The following ENTHD1 variants were observed in gnomAD, a reference collection of about 807,000 sequenced individuals.
ENTHD1 encodes the protein ENTH domain-containing protein 1.
ENTHD1 carries 23 observed loss-of-function variants against 39.1 expected under a neutral mutation model. The observed-to-expected ratio is 0.59, with a 90% CI of 0.42 to 0.83. ENTHD1 has a LOEUF of 0.83. Among genes scored for constraint, ENTHD1 ranks in the 40% least tolerant of loss-of-function variants. The pLI is 0.00. For synonymous variants in ENTHD1, 230 were observed against 258.2 expected, an observed-to-expected ratio of 0.89 and a Z score of 1.05; for missense variants, 624 against 705.4, an observed-to-expected ratio of 0.88 and a Z score of 1.31.
chr22:39,889,411 G>A (rs1275724194), intron 1 of ENTHD1, among the ~76,000 whole-genome samples: 2 of 152,152 alleles, frequency 1.3e-5, no homozygotes, highest in South Asian at 2.1e-4. Flanking sequence ...TTGTATTAAG[G>A]AGGGTCAGTC....
chr22:39,856,848 G>A (rs2066093100), intron 3 of ENTHD1, among the ~76,000 whole-genome samples: 1 of 128,726 alleles, frequency 7.8e-6, no homozygotes. Flanking sequence ...GCAAGACCCT[G>A]TCTCAAAAAA....
chr22:39,807,276 T>A (rs781395655), intron 5 of ENTHD1, among the ~76,000 whole-genome samples: 26 of 152,144 alleles, frequency 1.7e-4, no homozygotes, highest in Non-Finnish European at 3.7e-4. Context: ...AGGCTCCCCA[T>A]TGTTTTTCAG....
chr22:39,743,580 C>G lies in ENTHD1; in HGVS notation c.*99G>C. On this transcript the variant is annotated 3_prime_UTR_variant, in exon 7 of 7. Coordinates refer to ENST00000325157, the MANE Select transcript of ENTHD1 (RefSeq NM_152512.4). ...ACCTGACAAGGAAAAATTAAACCAT[C>G]CCCTTTTTTGCCATAATAATATGAA... 1.5e-6 allele frequency: 2 copies of G among 1,330,750 alleles called. No individual in the cohort carries two copies. Among genetic ancestry groups the G allele is most frequent in the Non-Finnish European group, 2.0e-6 (2 of 1,011,566 alleles). 82.4% of individuals were successfully genotyped at this position (1,330,750 alleles called of 1,614,324 possible). A position where few individuals can be genotyped will look rare whatever the true frequency, so the allele number is the denominator to read the frequency against.
chr22:39,888,167 A>G (rs1252597883), intron 1 of ENTHD1, among the ~76,000 whole-genome samples: 1 of 152,152 alleles, frequency 6.6e-6, no homozygotes, highest in Non-Finnish European at 1.5e-5. Flanking sequence ...TTTGGCCAGA[A>G]ATATAATGGC....
chr22:39,834,640 G>A (rs942458075), intron 4 of ENTHD1, among the ~76,000 whole-genome samples: 2 of 151,958 alleles, frequency 1.3e-5, no homozygotes, highest in African/African-American at 4.8e-5. Flanking sequence ...ATTTATCCCC[G>A]AGATATGAAA....
rs116981300 is a variant in ENTHD1 at position 39,770,341 on chromosome 22, C to T, written c.833-4732G>A. Among the ~76,000 whole-genome samples, 828 of 152,246 alleles carry T rather than the reference C, an allele frequency of 5.4e-3. 3 individuals are homozygous for T. The highest frequency in any genetic ancestry group is 9.7e-3 in the Non-Finnish European group (660 of 68,000). ...GTTTGTCCTCTGCTCCTGACTGCAA[C>T]ACCCTTGCAACGCTTCTCCACTCCA... On this transcript the variant is annotated intron_variant, in intron 5 of 6. Transcript: ENST00000325157.
At chr22:39,808,572 C>T (rs1000507261) in intron 5 of ENTHD1, among the ~76,000 whole-genome samples, 2 of 152,162 alleles carry the variant, frequency 1.3e-5, no homozygotes, top group Admixed American at 6.5e-5. Flanking sequence ...GATTAGTCTT[C>T]GTTCTCCTAA....
chr22:39,754,744 A>G (rs190531927), intron 6 of ENTHD1, among the ~76,000 whole-genome samples: 87 of 151,528 alleles, frequency 5.7e-4, no homozygotes, highest in African/African-American at 2.0e-3. Context: ...CCTCTACCTC[A>G]CCCTCTGTTG....
intron 5 of ENTHD1, among the ~76,000 whole-genome samples, chr22:39,794,182 G>A (rs11703811): frequency 0.1 from 15,496 of 152,086 alleles, 927 homozygotes; most frequent in Middle Eastern, 0.14. Flanking sequence ...CACCGCCTTG[G>A]TTAAAATACT....
intron 3 of ENTHD1, among the ~76,000 whole-genome samples, chr22:39,851,455 C>G (rs2066038232): frequency 6.6e-6 from 1 of 152,146 alleles, no homozygotes. Flanking sequence ...TCTGACCTTT[C>G]CAATATCTAC....
At chr22:39,888,779 C>T (rs527960078) in intron 1 of ENTHD1, among the ~76,000 whole-genome samples, 1 of 150,522 alleles carries the variant, frequency 6.6e-6, no homozygotes, top group African/African-American at 2.4e-5. Flanking sequence ...ATATGTTGCA[C>T]AGGCTGTTCA....
rs910321395 is a variant in ENTHD1 at position 39,875,365 on chromosome 22, G to C, written c.349+12035C>G. ...CCACGTCCCGCGGGGTGGCGGGCGC[G>C]CTGCGGCCCTTGGTGCAGGCCACGG... is the stretch of plus-strand genomic sequence containing the variant. On this transcript the variant is annotated intron_variant, in intron 2 of 6. Coordinates refer to ENST00000325157, the MANE Select transcript of ENTHD1 (RefSeq NM_152512.4). The C allele has an allele frequency of 5.1e-6, 7 of 1,376,798 alleles. No individual in the cohort carries two copies. In the East Asian group the frequency reaches 8.6e-5, roughly 17 times the overall value. 85.3% of individuals were successfully genotyped at this position (1,376,798 alleles called of 1,614,324 possible).
chr22:39,848,204 C>T (rs1414848764), intron 3 of ENTHD1, among the ~76,000 whole-genome samples: 2 of 152,256 alleles, frequency 1.3e-5, no homozygotes, highest in East Asian at 1.9e-4. Flanking sequence ...CTGACTCCCT[C>T]TTCGGCCACC....
At chr22:39,878,903 A>G (rs1428450609) in intron 2 of ENTHD1, among the ~76,000 whole-genome samples, 1 of 152,160 alleles carries the variant, frequency 6.6e-6, no homozygotes, top group Non-Finnish European at 1.5e-5. Context: ...CAGGAAGAAG[A>G]AATCAGAATT....
At chr22:39,767,556 A>G (rs532472004) in intron 5 of ENTHD1, among the ~76,000 whole-genome samples, 2 of 152,220 alleles carry the variant, frequency 1.3e-5, no homozygotes, top group Non-Finnish European at 2.9e-5. Context: ...GTGACTTTGC[A>G]TATCACCACA....
rs2065085655 is a variant in ENTHD1, at chr22:39,744,181, A to G, written c.1322T>C (p.Leu441Pro). 5 of 1,614,196 alleles carry G rather than the reference A, an allele frequency of 3.1e-6. No homozygotes were observed. The highest frequency in any genetic ancestry group is 3.3e-4 in the Middle Eastern group (2 of 6,062). ...CAGAGTCCAGAAGGAAGGTCCGGCC[A>G]GAATTGGTGATAAGAGATGAGCTGA... ...EKSAHLLSPI[L>P]AGPSFWTLSH... The change falls in exon 7 of 7, where the codon CTG becomes CCG. Residue 441 changes from leucine to proline, a missense_variant. Transcript: ENST00000325157.
chr22:39,854,227 T>C (rs879404431), intron 3 of ENTHD1, among the ~76,000 whole-genome samples: 9 of 152,146 alleles, frequency 5.9e-5, no homozygotes, highest in Admixed American at 2.6e-4. Context: ...CAGCCGGGAA[T>C]TGATGTTTTT....
At chr22:39,844,830 TG>T (rs1406179209) in intron 3 of ENTHD1, among the ~76,000 whole-genome samples, 5 of 151,766 alleles carry the variant, frequency 3.3e-5, no homozygotes, top group African/African-American at 4.8e-5. Context: ...GAGAAAAAAA[TG>T]GGTGTAACAG....
At chr22:39,810,903 G>A (rs2146632070) in intron 5 of ENTHD1, among the ~76,000 whole-genome samples, 1 of 152,242 alleles carries the variant, frequency 6.6e-6, no homozygotes, top group East Asian at 1.9e-4. Context: ...TTGCCTTATG[G>A]CTGTGTCAAC....
Sources: gnomAD v4.1 joint callset for allele counts (sites outside exome capture counted in the v4.1 genomes callset) on GRCh38, gnomAD v4.1.1 for gene constraint, MANE v1.5 for transcripts, NCBI Gene and HGNC (gene_info 2026-07-23, HGNC 2026-07-21) for gene names.